Variants in ANKMY1 observed in about 807,000 individuals in gnomAD.
ANKMY1 encodes ankyrin repeat and MYND domain containing 1.
Under a neutral mutation model 102.0 loss-of-function variants are expected in ANKMY1, and 98 were observed. That is an observed-to-expected ratio of 0.96 (90% CI 0.82 to 1.14). The LOEUF (loss-of-function observed/expected upper bound fraction) is 1.14. Ranked by LOEUF, ANKMY1 falls within the 50% of genes most tolerant of loss-of-function variation. The pLI, the probability that ANKMY1 is intolerant of heterozygous loss-of-function variation, is 0.00. For synonymous variants in ANKMY1, 582 were observed against 559.9 expected (o/e 1.04, Z -0.56); for missense variants, 1,330 against 1,347.6 (o/e 0.99, Z 0.20).
In ANKMY1 at chr2:240,517,090, G is replaced by A. The variant is rs960658144; in HGVS notation, c.2004+3272C>T. ...ACTATGCAAATATTTTTAATTCATGGCAATGTATTTGTTTGCATACATTTA... is the reference window on the plus strand; with the variant it reads ...ACTATGCAAATATTTTTAATTCATGACAATGTATTTGTTTGCATACATTTA... On this transcript the variant is annotated intron_variant, in intron 9 of 17. Coordinates refer to ENST00000401804, the MANE Select transcript of ANKMY1 (RefSeq NM_001282771.3). Among the ~76,000 whole-genome samples, 7 of 152,134 alleles carry A rather than the reference G, an allele frequency of 4.6e-5. No individual in the cohort carries two copies. The East Asian group carries it at 1.3e-3, about 29-fold the overall frequency.
intron 8 of ANKMY1, among the ~76,000 whole-genome samples, chr2:240,521,417 G>A (rs1349847964): frequency 1.3e-5 from 2 of 150,272 alleles, no homozygotes; most frequent in Non-Finnish European, 3.0e-5. Context: ...ACATGTCCAG[G>A]ATCTATGCCT....
chr2:240,542,674 A>G (rs1211843774), intron 4 of ANKMY1, among the ~76,000 whole-genome samples: 1 of 150,720 alleles, frequency 6.6e-6, no homozygotes, highest in Non-Finnish European at 1.5e-5. Context: ...GAGCTATTGA[A>G]TCTTTGTATC....
chr2:240,491,222 A>G (rs1303304440), intron 15 of ANKMY1, among the ~76,000 whole-genome samples: 1 of 150,442 alleles, frequency 6.6e-6, no homozygotes, highest in East Asian at 2.0e-4. Context: ...ATTTCAGTCT[A>G]TATGTGTCTT....
At position 240,524,238 on chromosome 2, in the gene ANKMY1, G is replaced by C; in HGVS notation, c.1479C>G (p.Arg493=). ...GGCCGCCCTCGTGGCTGCCTGAGAC[G>C]CGTGGCAGGAGCAGTGGTGCTGGCG... is the stretch of plus-strand genomic sequence containing the variant. ...RPPPAPLLLP[R]VSGSHEGGHF... is the part of the protein sequence containing the mutation. The change falls in exon 8 of 18, where the codon CGC becomes CGG. Residue 493 remains arginine, a synonymous_variant. Transcript: ENST00000401804. The C allele has an allele frequency of 6.2e-7, 1 of 1,613,842 alleles. No individual in the cohort carries two copies.
Position 240,524,287 on chromosome 2 carries a change from T to G in ANKMY1, c.1430A>C (p.Gln477Pro). The change falls in exon 8 of 18, where the codon CAG (glutamine) becomes CCG (proline). Residue 477 changes from glutamine to proline, a missense_variant. Physicochemically the swap from Gln to Pro is moderately conservative, Grantham distance 76. Transcript: ENST00000401804. ...SLYYEVNVPS[Q>P]GSYELRPPPA... ...CGGTGGCCTCAGCTCATAGCTACCC[T>G]GGGAAGGCACGTTCACCTCATAGTA... is the stretch of plus-strand genomic sequence containing the variant. The G allele has an allele frequency of 6.2e-7, 1 of 1,613,774 alleles. No individual in the cohort carries two copies. Among genetic ancestry groups the G allele is most frequent in the Non-Finnish European group, 8.5e-7 (1 of 1,180,022 alleles).
rs544118949 is a variant in ANKMY1 at position 240,487,563 on chromosome 2, G to T, written c.2807-5302C>A. 1.3e-4 allele frequency among the ~76,000 whole-genome samples: 19 copies of T among 151,750 alleles called. 1 individual carries two copies. The highest frequency in any genetic ancestry group is 1.2e-3 in the East Asian group (6 of 5,174). ...AAATCTTCATACTGTTTTCCATAGT[G>T]CCTGTACTAGTTTACATTCAACCAA... On this transcript the variant is annotated intron_variant, in intron 15 of 17. Transcript: ENST00000401804.
At chr2:240,530,563 A>G (rs1332979842) in intron 4 of ANKMY1, among the ~76,000 whole-genome samples, 3 of 152,210 alleles carry the variant, frequency 2.0e-5, no homozygotes, top group Non-Finnish European at 2.9e-5. Flanking sequence ...TGCTTCCTGT[A>G]CAACCTGCAG....
rs1305640834 is a variant in ANKMY1 at position 240,554,758 on chromosome 2, C to CGCA, written c.336+107_336+108insTGC. 6 of 1,307,546 alleles carry CGCA rather than the reference C, an allele frequency of 4.6e-6. No individual in the cohort carries two copies. The African/African-American group carries it at 8.9e-5, about 19-fold the overall frequency. 81.0% of individuals were successfully genotyped at this position (1,307,546 alleles called of 1,614,324 possible). ...GGAGGAAAAACTTTAGCCTAGCACCCTTCCTGTTGATGGGCCTAAAAGTTC... is the reference window on the plus strand; with the variant it reads ...GGAGGAAAAACTTTAGCCTAGCACCCGCATTCCTGTTGATGGGCCTAAAAGTTC... On this transcript the variant is annotated intron_variant, in intron 3 of 17. Transcript: ENST00000401804.
chr2:240,478,629 C>T (rs13024704), downstream of ANKMY1, among the ~76,000 whole-genome samples: 6,961 of 152,198 alleles, frequency 0.046, 197 homozygotes, highest in South Asian at 0.082. Context: ...GCTTGTCCCT[C>T]TGCCCAGGCT....
chr2:240,506,188 G>C lies in ANKMY1; in HGVS notation c.2526+1372C>G, dbSNP rs1254094404. 1.3e-5 allele frequency among the ~76,000 whole-genome samples: 2 copies of C among 152,180 alleles called. No homozygotes were observed. The highest frequency in any genetic ancestry group is 4.8e-5 in the African/African-American group (2 of 41,440). ...CCAACCCCGGACGAAGGACTATTCT[G>C]TATGTTCAAGGCACATTCAGCGTCC... On this transcript the variant is annotated intron_variant, in intron 13 of 17. Coordinates refer to ENST00000401804, the MANE Select transcript of ANKMY1 (RefSeq NM_001282771.3). The surrounding 1 kb of genome is among the most constrained non-coding windows in gnomAD (Gnocchi z 4.9).
intron 14 of ANKMY1, 72 bp from the exon 15 acceptor site, chr2:240,500,195 C>T (rs1213007578): frequency 2.5e-5 from 36 of 1,469,240 alleles, no homozygotes; most frequent in Middle Eastern, 2.4e-4. Context: ...TCTCGGTGAT[C>T]GAGGGCTCCT....
chr2:240,495,759 C>A (rs2077176587), intron 15 of ANKMY1, among the ~76,000 whole-genome samples: 1 of 152,186 alleles, frequency 6.6e-6, no homozygotes, highest in Admixed American at 6.5e-5. Flanking sequence ...TTTATTTCTA[C>A]AATCTCCTGT....
chr2:240,535,649 AAAGT>A (rs1317676273), intron 4 of ANKMY1, among the ~76,000 whole-genome samples: 2 of 152,252 alleles, frequency 1.3e-5, no homozygotes, highest in African/African-American at 4.8e-5. Flanking sequence ...AGTCAGATTG[AAAGT>A]AAGTCATGAT....
chr2:240,511,840 C>A (rs370517543), intron 11 of ANKMY1, 21 bp downstream of exon 11: 4 of 1,568,116 alleles, frequency 2.6e-6, no homozygotes, highest in Non-Finnish European at 3.4e-6. Context: ...TGTGCCCCCG[C>A]CAGGCCCTGG....
rs148722714 is a variant in ANKMY1 at position 240,500,473 on chromosome 2, A to G, written c.2619T>C (p.Tyr873=). 6.4e-5 allele frequency: 104 copies of G among 1,613,978 alleles called. 1 individual carries two copies. The African/African-American group carries it at 1.0e-3, about 16-fold the overall frequency. The change falls in exon 14 of 18, where the codon TAT becomes TAC. Residue 873 remains tyrosine (Y), a synonymous_variant. Coordinates refer to ENST00000401804, the MANE Select transcript of ANKMY1 (RefSeq NM_001282771.3). ...EKEAVGTAVD[Y]GYFRFFQDRR... ...CTACCTGGAAGAATCTGAAGTAGCC[A>G]TAGTCCACGGCTGTGCCCACTGCCT...
At chr2:240,557,747 C>A (rs1265102660) in intron 1 of ANKMY1, 134 bp downstream of exon 1, 1 of 515,724 alleles carries the variant, frequency 1.9e-6, no homozygotes, top group Non-Finnish European at 2.5e-6. Context: ...GCCCACCTAA[C>A]CCCACGCCCC....
intron 9 of ANKMY1, among the ~76,000 whole-genome samples, chr2:240,519,493 C>T (rs977214117): frequency 6.6e-6 from 1 of 152,204 alleles, no homozygotes; most frequent in African/African-American, 2.4e-5. Context: ...ACTGACGGAG[C>T]TGCGAGAGAA....
chr2:240,500,359 C>T (rs951406620), intron 14 of ANKMY1, 93 bp downstream of exon 14: 1 of 1,366,170 alleles, frequency 7.3e-7, no homozygotes. Context: ...AACCTTGAGC[C>T]CAGCTTTGCC....
intron 9 of ANKMY1, among the ~76,000 whole-genome samples, chr2:240,518,713 CAT>C (rs1449020909): frequency 3.9e-5 from 6 of 152,170 alleles, no homozygotes; most frequent in Non-Finnish European, 1.5e-5. Context: ...GGTGAATAAA[CAT>C]GTGACACAGT....
Sources: allele counts gnomAD v4.1 joint callset (sites outside exome capture counted in the v4.1 genomes callset), GRCh38; gene constraint gnomAD v4.1.1; non-coding constraint Gnocchi (gnomAD v3.1); transcripts MANE v1.5; gene names NCBI Gene and HGNC (gene_info 2026-07-23, HGNC 2026-07-21).